The following ALG12 variants were observed in gnomAD, a reference collection of about 807,000 sequenced individuals.
ALG12 encodes ALG12 alpha-1,6-mannosyltransferase, also known as dol-P-Man:Man(7)GlcNAc(2)-PP-Dol alpha-1,6-mannosyltransferase.
A neutral mutation model predicts 46.0 loss-of-function variants in ALG12; 36 were observed. The ratio of observed to expected loss-of-function variants is 0.78; its 90% CI spans 0.60 to 1.03. ALG12 has a LOEUF of 1.03. Among genes scored for constraint, ALG12 ranks in the 50% least tolerant of loss-of-function variants. The pLI is 0.00. For missense variants in ALG12, 599 were observed against 633.5 expected (o/e 0.95, Z 0.58); for synonymous variants, 326 against 291.6 (o/e 1.12, Z -1.20).
intron 7 of ALG12, among the ~76,000 whole-genome samples, chr22:49,904,817 G>A (rs895999525): frequency 6.6e-6 from 1 of 152,202 alleles, no homozygotes; most frequent in Admixed American, 6.5e-5. Context: ...TCGGCTCACT[G>A]CAACCTCCGC....
chr22:49,902,584 G>T lies in ALG12; in HGVS notation c.*1254C>A, dbSNP rs2060518392. ...GGTAATGTGCACGTGTGCACTGTGT[G>T]TGGTGTGTATGCATGGTGTGTGCAC... is the stretch of plus-strand genomic sequence containing the variant. On this transcript the variant is annotated 3_prime_UTR_variant, in exon 10 of 10. Transcript: ENST00000330817. 6.9e-6 allele frequency: 1 copy of T among 144,740 alleles called. No individual in the cohort carries two copies. Among genetic ancestry groups the T allele is most frequent in the African/African-American group, 2.7e-5 (1 of 37,168 alleles). 9.0% of individuals were successfully genotyped at this position (144,740 alleles called of 1,614,324 possible). A position where few individuals can be genotyped will look rare whatever the true frequency, so the allele number is the denominator to read the frequency against.
At chr22:49,866,969 T>C in the ALG12 span, among the ~76,000 whole-genome samples, 1 of 152,186 alleles carries the variant, frequency 6.6e-6, no homozygotes, top group East Asian at 1.9e-4. Flanking sequence ...TGGTTTGCTG[T>C]TTTTTCTAGT....
rs150605490 is a variant in ALG12, at chr22:49,908,669, G to A, written c.768+575C>T. Among the ~76,000 whole-genome samples the A allele has an allele frequency of 4.7e-3, 682 of 145,600 alleles. 86 individuals are homozygous for A. The highest frequency in any genetic ancestry group is 0.017 in the African/African-American group (633 of 37,688). On this transcript the variant is annotated intron_variant, in intron 6 of 9. Transcript: ENST00000330817. Reference sequence around the variant, plus strand: ...AGCACTTTTTAAATGCAGATTGTCCGGGCCGGGCGTGGTGGCTCACACCTG... The same window carrying A: ...AGCACTTTTTAAATGCAGATTGTCCAGGCCGGGCGTGGTGGCTCACACCTG...
At chr22:49,878,908 G>A in the ALG12 span, among the ~76,000 whole-genome samples, 1 of 151,944 alleles carries the variant, frequency 6.6e-6, no homozygotes, top group African/African-American at 2.4e-5. Flanking sequence ...ACTTTGGGAG[G>A]CCGAGGCGGG....
the ALG12 span, chr22:49,885,782 G>A: frequency 6.2e-7 from 1 of 1,606,416 alleles, no homozygotes; most frequent in Non-Finnish European, 8.5e-7. Flanking sequence ...GCTATCCCAG[G>A]TATGTATGAT....
At chr22:49,870,371 C>T in the ALG12 span, among the ~76,000 whole-genome samples, 17,104 of 152,180 alleles carry the variant, frequency 0.11, 1,324 homozygotes, top group African/African-American at 0.21. Context: ...CCAATGGTAG[C>T]TCTGTTTTTA....
At chr22:49,867,943 T>G in the ALG12 span, among the ~76,000 whole-genome samples, 6,784 of 152,298 alleles carry the variant, frequency 0.045, 338 homozygotes, top group African/African-American at 0.13. Context: ...CATAAAGTGT[T>G]GAATATCTCA....
chr22:49,895,008 GA>G, the ALG12 span, among the ~76,000 whole-genome samples: 1 of 152,222 alleles, frequency 6.6e-6, no homozygotes, highest in African/African-American at 2.4e-5. Flanking sequence ...GGAGGAGGAG[GA>G]GGGGCAGGAG....
At chr22:49,915,602 G>C (rs1045778344) in intron 1 of ALG12, among the ~76,000 whole-genome samples, 1 of 152,166 alleles carries the variant, frequency 6.6e-6, no homozygotes, top group African/African-American at 2.4e-5. Context: ...AAATAAACTT[G>C]GTATCAAACA....
the ALG12 span, among the ~76,000 whole-genome samples, chr22:49,878,126 G>A: frequency 1.3e-5 from 2 of 152,032 alleles, no homozygotes; most frequent in African/African-American, 4.8e-5. Context: ...CCAACGTGGT[G>A]AAACACCGTC....
rs2060511858 is a variant in ALG12 at position 49,902,046 on chromosome 22, T to C, written c.*1792A>G. On this transcript the variant is annotated 3_prime_UTR_variant, in exon 10 of 10. Transcript: ENST00000330817. ...ACGCGTGCACTGTGTGTATGCATGG[T>C]AACGTACACGTGTGCACTGTGTGTG... is the stretch of plus-strand genomic sequence containing the variant. The C allele has an allele frequency of 7.4e-6, 1 of 135,658 alleles. No homozygotes were observed. Among genetic ancestry groups the C allele is most frequent in the Non-Finnish European group, 1.5e-5 (1 of 65,936 alleles). 8.4% of individuals were successfully genotyped at this position (135,658 alleles called of 1,614,324 possible). A position where few individuals can be genotyped will look rare whatever the true frequency, so the allele number is the denominator to read the frequency against.
At chr22:49,866,136 A>ATTTCT in the ALG12 span, among the ~76,000 whole-genome samples, 140,222 of 152,072 alleles carry the variant, frequency 0.92, 64,752 homozygotes, top group African/African-American at 0.98. Flanking sequence ...AGCCCAAAGG[A>ATTTCT]TTTAAGTCTA....
chr22:49,868,367 A>G, the ALG12 span, among the ~76,000 whole-genome samples: 5 of 152,188 alleles, frequency 3.3e-5, no homozygotes, highest in African/African-American at 1.2e-4. Flanking sequence ...ATCACCCAGG[A>G]TCAGGAGTTC....
chr22:49,893,732 AATAAATAAT>A, the ALG12 span, among the ~76,000 whole-genome samples: 3 of 152,356 alleles, frequency 2.0e-5, no homozygotes, highest in East Asian at 5.8e-4. Context: ...GGGAAAGCTA[AATAAATAAT>A]AGACTGCCTA....
At chr22:49,875,077 C>A in the ALG12 span, among the ~76,000 whole-genome samples, 2 of 152,088 alleles carry the variant, frequency 1.3e-5, no homozygotes, top group Middle Eastern at 3.2e-3. Flanking sequence ...TAATTTGTTA[C>A]AGTTTTGTTA....
At chr22:49,883,508 TC>T in the ALG12 span, 1 of 1,073,132 alleles carries the variant, frequency 9.3e-7, no homozygotes. Context: ...ATTCTTTTTT[TC>T]AGTACTATTT....
At chr22:49,914,877 G>A (rs935730039) in intron 1 of ALG12, among the ~76,000 whole-genome samples, 2 of 152,224 alleles carry the variant, frequency 1.3e-5, no homozygotes, top group East Asian at 3.8e-4. Context: ...ACAGGTGTGG[G>A]TCACCACACT....
At chr22:49,897,381 T>C (rs942778348), downstream of ALG12, among the ~76,000 whole-genome samples, 2 of 152,190 alleles carry the variant, frequency 1.3e-5, no homozygotes, top group African/African-American at 4.8e-5. Context: ...AGAGTATGCT[T>C]AGTTCTGTAC....
chr22:49,885,162 T>G, the ALG12 span: 1 of 1,613,040 alleles, frequency 6.2e-7, no homozygotes, highest in Non-Finnish European at 8.5e-7. Flanking sequence ...TGATGAGACA[T>G]CTCTACCGGC....
Sources: gnomAD v4.1 joint callset for allele counts (sites outside exome capture counted in the v4.1 genomes callset) on GRCh38, gnomAD v4.1.1 for gene constraint, MANE v1.5 for transcripts, NCBI Gene and HGNC (gene_info 2026-07-23, HGNC 2026-07-21) for gene names.